Variants in FGF14 observed in about 807,000 individuals in gnomAD.
FGF14 encodes the protein fibroblast growth factor 14, also known as fibroblast growth factor homologous factor 4.
FGF14 carries 5 observed loss-of-function variants against 25.5 expected under a neutral mutation model. That is an observed-to-expected ratio of 0.20 (90% confidence interval 0.10 to 0.41). The LOEUF (loss-of-function observed/expected upper bound fraction) is 0.41. FGF14 is among the 10% of genes least tolerant of loss of function. The pLI is 1.00. For missense variants in FGF14, 222 were observed against 320.1 expected (o/e 0.69, Z 2.34); for synonymous variants, 138 against 118.3 (o/e 1.17, Z -1.08).
At chr13:101,957,015 A>G (rs2036558305) in intron 1 of FGF14, among the ~76,000 whole-genome samples, 1 of 152,168 alleles carries the variant, frequency 6.6e-6, no homozygotes, top group Non-Finnish European at 1.5e-5. Context: ...TAATCAATAT[A>G]TTCAAGATAA....
intron 1 of FGF14, among the ~76,000 whole-genome samples, chr13:102,167,032 G>A (rs1405195374): frequency 2.0e-5 from 3 of 152,160 alleles, no homozygotes; most frequent in Non-Finnish European, 4.4e-5. Context: ...GCAGGGTGCA[G>A]TGGTTCACCT....
At chr13:101,749,730 C>T (rs1566852467) in intron 3 of FGF14, among the ~76,000 whole-genome samples, 1 of 152,036 alleles carries the variant, frequency 6.6e-6, no homozygotes, top group Non-Finnish European at 1.5e-5. Context: ...ATTTTATTTG[C>T]CCTTTCTTCA....
At chr13:101,957,181 T>G (rs975596698) in intron 1 of FGF14, among the ~76,000 whole-genome samples, 1 of 152,128 alleles carries the variant, frequency 6.6e-6, no homozygotes, top group African/African-American at 2.4e-5. Flanking sequence ...AAACAGAATA[T>G]ACAATACAGA....
intron 1 of FGF14, among the ~76,000 whole-genome samples, chr13:102,009,674 A>G (rs78419873): frequency 4.6e-5 from 7 of 151,242 alleles, no homozygotes; most frequent in African/African-American, 9.7e-5. Flanking sequence ...ATTATCTTTG[A>G]AAAAAAAACT....
chr13:101,974,679 C>A (rs979663504), intron 1 of FGF14, among the ~76,000 whole-genome samples: 1 of 152,042 alleles, frequency 6.6e-6, no homozygotes, highest in Non-Finnish European at 1.5e-5. Flanking sequence ...CTCTGACAGC[C>A]CTGGTGATAC....
At chr13:101,794,903 T>A in intron 3 of FGF14, among the ~76,000 whole-genome samples, 1 of 152,282 alleles carries the variant, frequency 6.6e-6, no homozygotes, top group South Asian at 2.1e-4. Context: ...ATGAAAAAAT[T>A]ATTGAAAAAT....
At chr13:102,064,376 T>C (rs2042814128) in intron 1 of FGF14, among the ~76,000 whole-genome samples, 1 of 152,060 alleles carries the variant, frequency 6.6e-6, no homozygotes, top group South Asian at 2.1e-4. Context: ...CTAGTCAGAG[T>C]ACACTGAGCT....
chr13:101,840,206 A>C (rs1052593475), intron 3 of FGF14, among the ~76,000 whole-genome samples: 2 of 151,950 alleles, frequency 1.3e-5, no homozygotes, highest in African/African-American at 2.4e-5. Flanking sequence ...AAGGATTCTA[A>C]ATTTGTTTTA....
chr13:102,206,443 G>A (rs1339772210), intron 1 of FGF14, among the ~76,000 whole-genome samples: 1 of 152,168 alleles, frequency 6.6e-6, no homozygotes, highest in Non-Finnish European at 1.5e-5. Context: ...CACTTTGGGA[G>A]GCTGAGGCGG....
chr13:101,823,500 C>T (rs762019807), intron 3 of FGF14, among the ~76,000 whole-genome samples: 4 of 150,498 alleles, frequency 2.7e-5, no homozygotes, highest in East Asian at 3.9e-4. Context: ...TGCAATGGCG[C>T]GATCTCGGCT....
intron 1 of FGF14, among the ~76,000 whole-genome samples, chr13:102,383,027 T>TA (rs1343270839): frequency 1.3e-5 from 2 of 152,100 alleles, no homozygotes; most frequent in Non-Finnish European, 2.9e-5. Flanking sequence ...TGGATAGTGG[T>TA]AATGGTTGCA....
chr13:102,111,870 A>G (rs148741836), intron 1 of FGF14, among the ~76,000 whole-genome samples: 1 of 152,074 alleles, frequency 6.6e-6, no homozygotes, highest in East Asian at 1.9e-4. Context: ...ATTCTTACCA[A>G]CTTTGTAGTT....
chr13:102,063,818 T>C (rs1348998607), intron 1 of FGF14, among the ~76,000 whole-genome samples: 1 of 152,112 alleles, frequency 6.6e-6, no homozygotes, highest in Non-Finnish European at 1.5e-5. Context: ...CCTATGTATT[T>C]CCCTAAAAGC....
intron 1 of FGF14, among the ~76,000 whole-genome samples, chr13:102,263,615 T>C (rs1199202327): frequency 6.6e-6 from 1 of 152,240 alleles, no homozygotes; most frequent in Non-Finnish European, 1.5e-5. Context: ...AGGCTCTACG[T>C]ATTTTCATGG....
At chr13:102,150,779 T>C (rs752630386) in intron 1 of FGF14, among the ~76,000 whole-genome samples, 5 of 152,180 alleles carry the variant, frequency 3.3e-5, no homozygotes, top group African/African-American at 4.8e-5. Flanking sequence ...GGAGACATTT[T>C]TGGTTGTCAG....
chr13:101,820,666 G>A (rs1317881059), intron 3 of FGF14, among the ~76,000 whole-genome samples: 1 of 151,996 alleles, frequency 6.6e-6, no homozygotes, highest in Non-Finnish European at 1.5e-5. Context: ...TGCTTTCTTA[G>A]GCTATGATTA....
At chr13:101,752,928 C>G (rs1314509989) in intron 3 of FGF14, among the ~76,000 whole-genome samples, 1 of 152,118 alleles carries the variant, frequency 6.6e-6, no homozygotes, top group South Asian at 2.1e-4. Flanking sequence ...ACCAGGGGCA[C>G]ATAACCACAC....
chr13:102,214,269 C>T (rs1336213070), intron 1 of FGF14, among the ~76,000 whole-genome samples: 5 of 152,196 alleles, frequency 3.3e-5, no homozygotes, highest in Non-Finnish European at 7.3e-5. Flanking sequence ...TTACTTTCAA[C>T]CAAATGATGA....
chr13:102,356,950 C>T (rs200640210), intron 1 of FGF14, among the ~76,000 whole-genome samples: 1 of 126,442 alleles, frequency 7.9e-6, no homozygotes, highest in Admixed American at 7.7e-5. Flanking sequence ...TATATATATA[C>T]ACACAAACAG....
Sources: allele counts gnomAD v4.1 joint callset (sites outside exome capture counted in the v4.1 genomes callset), GRCh38; gene constraint gnomAD v4.1.1; transcripts MANE v1.5; gene names NCBI Gene and HGNC (gene_info 2026-07-23, HGNC 2026-07-21).